The following PLCB1 variants were observed in gnomAD, a reference collection of about 807,000 sequenced individuals.
The protein encoded by PLCB1 is 1-phosphatidylinositol 4,5-bisphosphate phosphodiesterase beta-1.
Under a neutral mutation model 161.8 loss-of-function variants are expected in PLCB1, and 46 were observed. The observed-to-expected ratio is 0.28, with a 90% confidence interval of 0.22 to 0.36. PLCB1 has a LOEUF of 0.36. PLCB1 is among the 10% of genes least tolerant of loss of function. PLCB1 has a pLI of 1.00. For synonymous variants in PLCB1, 517 were observed against 503.7 expected (o/e 1.03, Z -0.35); for missense variants, 1,016 against 1,472.5 (o/e 0.69, Z 5.07).
At chr20:8,730,514 C>G (rs1015627918) in intron 18 of PLCB1, among the ~76,000 whole-genome samples, 3 of 151,520 alleles carry the variant, frequency 2.0e-5, no homozygotes, top group Non-Finnish European at 4.4e-5. Flanking sequence ...GGATTAATAC[C>G]TGGAAGTGGT....
At chr20:8,523,821 C>T (rs2122891776) in intron 3 of PLCB1, among the ~76,000 whole-genome samples, 1 of 152,054 alleles carries the variant, frequency 6.6e-6, no homozygotes, top group East Asian at 1.9e-4. Context: ...AAACTAGAGA[C>T]TGTGTGCCTG....
intron 2 of PLCB1, among the ~76,000 whole-genome samples, chr20:8,268,652 C>T (rs1236511473): frequency 2.6e-5 from 4 of 152,142 alleles, no homozygotes; most frequent in African/African-American, 4.8e-5. Context: ...TTTTAATGAT[C>T]GCCATTCTAA....
intron 3 of PLCB1, among the ~76,000 whole-genome samples, chr20:8,606,437 C>T (rs895902671): frequency 2.0e-5 from 3 of 152,158 alleles, no homozygotes; most frequent in South Asian, 4.2e-4. Flanking sequence ...CCTCAAAAAA[C>T]TGATAAAAAA....
chr20:8,401,349 TA>T (rs1249116364), intron 3 of PLCB1, among the ~76,000 whole-genome samples: 2 of 152,234 alleles, frequency 1.3e-5, no homozygotes, highest in Non-Finnish European at 2.9e-5. Context: ...TAGTCAAATT[TA>T]TTAGTCCCTT....
intron 2 of PLCB1, among the ~76,000 whole-genome samples, chr20:8,344,970 C>A (rs1023655609): frequency 1.4e-4 from 22 of 152,194 alleles, no homozygotes; most frequent in Non-Finnish European, 1.5e-4. Flanking sequence ...TCTGTGTTTT[C>A]TTTATGCAGC....
chr20:8,346,644 CTT>C (rs1933415350), intron 2 of PLCB1, among the ~76,000 whole-genome samples: 1 of 152,174 alleles, frequency 6.6e-6, no homozygotes, highest in Non-Finnish European at 1.5e-5. Flanking sequence ...TTCGAGGACT[CTT>C]AACCTGCCTT....
At position 8,802,710 on chromosome 20, in the gene PLCB1, G is replaced by T. The variant is rs561032099; in HGVS notation, c.3423+12449G>T. Among the ~76,000 whole-genome samples, 3 of 152,132 alleles carry T rather than the reference G, an allele frequency of 2.0e-5. No individual in the cohort carries two copies. The South Asian group carries it at 6.2e-4, about 32-fold the overall frequency. On this transcript the variant is annotated intron_variant, in intron 31 of 31. Transcript: ENST00000338037. ...CCACATGGTATTTAGAGTGAATGGG[G>T]ACAGCTTGTGATTTCCTGATTCTCT...
Position 8,441,497 on chromosome 20 carries a change from G to A in PLCB1, c.246+70047G>A, listed in dbSNP as rs115153495. On this transcript the variant is annotated intron_variant, in intron 3 of 31. Transcript: ENST00000338037. ...TGATCACAAAGTAAGAAATCTGATC[G>A]TTGTAATTCCAATTTATATCAATAA... 4.1e-3 allele frequency among the ~76,000 whole-genome samples: 629 copies of A among 152,288 alleles called. 7 individuals carry two copies. Among genetic ancestry groups the A allele is most frequent in the African/African-American group, 0.014 (599 of 41,562 alleles).
At chr20:8,192,092 A>G (rs535420626) in intron 2 of PLCB1, among the ~76,000 whole-genome samples, 1 of 152,168 alleles carries the variant, frequency 6.6e-6, no homozygotes, top group Admixed American at 6.6e-5. Context: ...AACATAAGTA[A>G]TATAGACAAG....
intron 1 of PLCB1, among the ~76,000 whole-genome samples, chr20:8,146,096 G>GTTTTT (rs937343961): frequency 9.9e-6 from 1 of 101,306 alleles, no homozygotes; most frequent in Non-Finnish European, 1.9e-5. Flanking sequence ...TACTGTTTTT[G>GTTTTT]TTTTTTTTGT....
At chr20:8,759,918 T>TTTTTTG (rs1981932576) in intron 24 of PLCB1, among the ~76,000 whole-genome samples, 1 of 148,562 alleles carries the variant, frequency 6.7e-6, no homozygotes, top group Admixed American at 6.7e-5. Flanking sequence ...TTTTTTTTTT[T>TTTTTTG]GGAGACAGAC....
At chr20:8,873,803 G>A (rs1024451871) in intron 31 of PLCB1, among the ~76,000 whole-genome samples, 21 of 152,032 alleles carry the variant, frequency 1.4e-4, no homozygotes, top group African/African-American at 5.1e-4. Context: ...AGAGCCTTAT[G>A]ATTTTTTTAC....
At chr20:8,744,348 G>A (rs958387338) in intron 23 of PLCB1, among the ~76,000 whole-genome samples, 1 of 152,048 alleles carries the variant, frequency 6.6e-6, no homozygotes, top group Non-Finnish European at 1.5e-5. Flanking sequence ...TAAGGAATAA[G>A]CACTTGCTTC....
intron 3 of PLCB1, among the ~76,000 whole-genome samples, chr20:8,405,040 A>G (rs1044432593): frequency 2.0e-5 from 3 of 152,170 alleles, no homozygotes; most frequent in Admixed American, 1.3e-4. Flanking sequence ...AGTTCTCCAT[A>G]TAGAAGACAG....
At chr20:8,582,919 G>A (rs57379040) in intron 3 of PLCB1, among the ~76,000 whole-genome samples, 22,510 of 150,532 alleles carry the variant, frequency 0.15, 1,773 homozygotes, top group East Asian at 0.25. Flanking sequence ...AATCCAGGAG[G>A]TGGAAGTTGC....
intron 2 of PLCB1, among the ~76,000 whole-genome samples, chr20:8,259,336 G>C (rs1981580282): frequency 1.3e-5 from 2 of 152,152 alleles, no homozygotes; most frequent in Non-Finnish European, 2.9e-5. Flanking sequence ...GTCTCTGCTG[G>C]CTGGGCATGG....
chr20:8,583,701 A>C (rs903107897), intron 3 of PLCB1, among the ~76,000 whole-genome samples: 5 of 152,210 alleles, frequency 3.3e-5, no homozygotes, highest in Non-Finnish European at 7.3e-5. Context: ...AAATGCTTTC[A>C]AGGAGAGTTT....
chr20:8,828,383 A>G (rs1217999640), intron 31 of PLCB1, among the ~76,000 whole-genome samples: 1 of 152,244 alleles, frequency 6.6e-6, no homozygotes, highest in Non-Finnish European at 1.5e-5. Flanking sequence ...TAGTCTCTTG[A>G]CAGCAATGCC....
At chr20:8,745,131 G>A (rs1229561985) in intron 23 of PLCB1, among the ~76,000 whole-genome samples, 1 of 152,022 alleles carries the variant, frequency 6.6e-6, no homozygotes, top group South Asian at 2.1e-4. Context: ...CCTTTGACAT[G>A]TCTAAACTCT....
Sources: allele counts gnomAD v4.1 joint callset (sites outside exome capture counted in the v4.1 genomes callset), GRCh38; gene constraint gnomAD v4.1.1; transcripts MANE v1.5; gene names NCBI Gene and HGNC (gene_info 2026-07-23, HGNC 2026-07-21).